The following GRIA3 variants were observed in gnomAD, a reference collection of about 807,000 sequenced individuals.
GRIA3 encodes the protein glutamate ionotropic receptor AMPA type subunit 3, also known as glutamate receptor 3.
A neutral mutation model predicts 63.0 loss-of-function variants in GRIA3; 3 were observed. That is an observed-to-expected ratio of 0.05 (90% CI 0.02 to 0.12). The LOEUF is 0.12. GRIA3 is among the 10% of genes least tolerant of loss of function. GRIA3 has a pLI of 1.00. For missense variants in GRIA3, 347 were observed against 700.9 expected, an observed-to-expected ratio of 0.50 and a Z score of 5.70; for synonymous variants, 274 against 257.9, an observed-to-expected ratio of 1.06 and a Z score of -0.60.
At chrX:123,406,882 C>T (rs955906956) in intron 10 of GRIA3, among the ~76,000 whole-genome samples, 1 of 111,810 alleles carries the variant, frequency 8.9e-6, no homozygotes, top group Non-Finnish European at 1.9e-5. Context: ...TAATCTTTTA[C>T]TTTCCAAGTT....
At chrX:123,457,415 T>C (rs978597849) in intron 12 of GRIA3, among the ~76,000 whole-genome samples, 2 of 111,619 alleles carry the variant, frequency 1.8e-5, no homozygotes, top group Admixed American at 1.9e-4. Context: ...ATCTAGCCCC[T>C]TTGACATGTA....
intron 2 of GRIA3, among the ~76,000 whole-genome samples, chrX:123,221,238 A>C (rs1928279869): frequency 8.9e-6 from 1 of 112,411 alleles, no homozygotes; most frequent in Non-Finnish European, 1.9e-5. Flanking sequence ...ACAGAAGCAA[A>C]ATATGGTTTG....
At chrX:123,485,051 T>C (rs2147449001) in intron 15 of GRIA3, among the ~76,000 whole-genome samples, 1 of 112,678 alleles carries the variant, frequency 8.9e-6, no homozygotes, top group Admixed American at 9.4e-5. Flanking sequence ...AAGCATTTAA[T>C]GTTTCAATGT....
intron 2 of GRIA3, among the ~76,000 whole-genome samples, chrX:123,221,680 G>A (rs1486346103): frequency 1.8e-5 from 2 of 111,246 alleles, no homozygotes; most frequent in Non-Finnish European, 3.8e-5. Flanking sequence ...GAGGGTGGCT[G>A]TTAACACTTT....
At chrX:123,209,751 T>C (rs976293021) in intron 2 of GRIA3, among the ~76,000 whole-genome samples, 1 of 111,622 alleles carries the variant, frequency 9.0e-6, no homozygotes, top group African/African-American at 3.3e-5. Flanking sequence ...ATTCCCAAGG[T>C]ATATTTCAAC....
At chrX:123,245,035 A>G (rs1398168455) in intron 2 of GRIA3, among the ~76,000 whole-genome samples, 2 of 112,366 alleles carry the variant, frequency 1.8e-5, no homozygotes, top group Non-Finnish European at 3.8e-5. Flanking sequence ...GACTACTCTC[A>G]GTCAAGAGAA....
rs777430229 is a variant in GRIA3 at position 123,467,640 on chromosome X, T to G, written c.2324+2528T>G. Among the ~76,000 whole-genome samples, 37 of 112,290 alleles carry G rather than the reference T, an allele frequency of 3.3e-4. 1 individual carries two copies. The highest frequency in any genetic ancestry group is 2.7e-3 in the Admixed American group (29 of 10,614). On this transcript the variant is annotated intron_variant, in intron 13 of 15. Transcript: ENST00000620443. ...TGCATTGCTCTCACGAATTCATCAT[T>G]CATACTCATCATGGTTAAAAAGGAG... is the stretch of plus-strand genomic sequence containing the variant.
intron 5 of GRIA3, among the ~76,000 whole-genome samples, chrX:123,383,822 A>G (rs1414286003): frequency 9.1e-6 from 1 of 110,284 alleles, no homozygotes; most frequent in African/African-American, 3.3e-5. Context: ...TAAGCCTAGG[A>G]CCCAATAGTT....
chrX:123,397,623 C>G (rs1197424025), intron 6 of GRIA3, among the ~76,000 whole-genome samples: 1 of 112,121 alleles, frequency 8.9e-6, no homozygotes, highest in Non-Finnish European at 1.9e-5. Context: ...TGATTTGCTT[C>G]TGAAAGACAA....
rs201277277 is a variant in GRIA3 at position 123,212,307 on chromosome X, T to A, written c.268+26317T>A. Among the ~76,000 whole-genome samples, 10 of 112,096 alleles carry A rather than the reference T, an allele frequency of 8.9e-5. No individual in the cohort carries two copies. In the East Asian group the frequency reaches 2.5e-3, roughly 28 times the overall value. Reference sequence around the variant, plus strand: ...CTAAAAAAAAAATCTTACCTTGAGATTGCAAACTCAAATATTCTTGACACC... The same window carrying A: ...CTAAAAAAAAAATCTTACCTTGAGAATGCAAACTCAAATATTCTTGACACC... On this transcript the variant is annotated intron_variant, in intron 2 of 15. Transcript: ENST00000620443.
At chrX:123,478,430 A>G (rs770711672) in intron 13 of GRIA3, among the ~76,000 whole-genome samples, 2 of 112,342 alleles carry the variant, frequency 1.8e-5, no homozygotes, top group East Asian at 5.6e-4. Flanking sequence ...CTAGTGAGAT[A>G]CAAAATCCAA....
intron 2 of GRIA3, among the ~76,000 whole-genome samples, chrX:123,186,650 T>C (rs902301765): frequency 4.5e-5 from 5 of 111,350 alleles, no homozygotes; most frequent in Non-Finnish European, 7.5e-5. Context: ...CCTAGCAAAC[T>C]GAGGGGAGGG....
At chrX:123,256,491 T>A (rs1026756184) in intron 3 of GRIA3, among the ~76,000 whole-genome samples, 2 of 111,147 alleles carry the variant, frequency 1.8e-5, no homozygotes, top group Non-Finnish European at 3.8e-5. Context: ...GGAGGCAGCA[T>A]GTGAAGAGTA....
intron 5 of GRIA3, among the ~76,000 whole-genome samples, chrX:123,393,226 T>G (rs1459897237): frequency 8.9e-6 from 1 of 112,489 alleles, no homozygotes; most frequent in Non-Finnish European, 1.9e-5. Flanking sequence ...AAAAGCTGTT[T>G]CACTAAAATG....
At chrX:123,402,756 T>C (rs1045210649) in intron 7 of GRIA3, among the ~76,000 whole-genome samples, 4 of 111,207 alleles carry the variant, frequency 3.6e-5, no homozygotes, top group East Asian at 2.8e-4. Context: ...GCCCTCATTA[T>C]ATTATATAAG....
intron 5 of GRIA3, among the ~76,000 whole-genome samples, chrX:123,380,769 A>T (rs1454071357): frequency 8.9e-6 from 1 of 111,745 alleles, no homozygotes; most frequent in East Asian, 2.8e-4. Context: ...TAGGGTTTTT[A>T]TGGTTTTAGG....
chrX:123,338,165 C>A (rs2044985902), intron 4 of GRIA3, among the ~76,000 whole-genome samples: 1 of 112,177 alleles, frequency 8.9e-6, no homozygotes, highest in African/African-American at 3.2e-5. Context: ...AGGCCCAGCC[C>A]TGCATTTTCT....
In GRIA3 at chrX:123,404,762, C is replaced by T. The variant is rs183018401; in HGVS notation, c.1348C>T (p.Arg450Ter). The change falls in exon 10 of 16, where the codon CGA becomes TGA. Residue 450 changes from arginine to a stop codon, truncating the protein, a stop_gained. Transcript: ENST00000620443. LOFTEE classifies it high-confidence loss of function. ...KNHEQLEGNERYEGYCVDLAY... is the reference protein window; with the variant it reads ...KNHEQLEGNE ...CCATGAGCAACTGGAAGGAAATGAACGATATGAAGGCTATTGTGTAGACCT... is the reference window on the plus strand; with the variant it reads ...CCATGAGCAACTGGAAGGAAATGAATGATATGAAGGCTATTGTGTAGACCT... 8.3e-7 allele frequency: 1 copy of T among 1,202,069 alleles called. No homozygotes were observed. Among genetic ancestry groups the T allele is most frequent in the African/African-American group, 1.8e-5 (1 of 56,987 alleles).
intron 5 of GRIA3, chrX:123,358,289 G>T (rs968647452): frequency 2.7e-5 from 3 of 112,068 alleles, no homozygotes; most frequent in African/African-American, 9.7e-5. Flanking sequence ...TTCTACAAAT[G>T]TAGAGTCAAG....
Sources: gnomAD v4.1 joint callset for allele counts (sites outside exome capture counted in the v4.1 genomes callset) on GRCh38, gnomAD v4.1.1 for gene constraint, MANE v1.5 for transcripts, NCBI Gene and HGNC (gene_info 2026-07-23, HGNC 2026-07-21) for gene names.